LRRC47: variants seen among roughly 807,000 people sequenced by gnomAD.
The protein encoded by LRRC47 is leucine rich repeat containing 47.
A neutral mutation model predicts 40.9 loss-of-function variants in LRRC47; 31 were observed. The observed-to-expected ratio is 0.76, with a 90% CI of 0.57 to 1.02. LRRC47 has a LOEUF of 1.02. Ranked by LOEUF, LRRC47 falls within the 50% of genes least tolerant of loss-of-function variation. The pLI is 0.00. For synonymous variants in LRRC47, 427 were observed against 371.9 expected (o/e 1.15, Z -1.70); for missense variants, 726 against 796.1 (o/e 0.91, Z 1.06).
In LRRC47 at chr1:3,795,921, C is replaced by G; in HGVS notation, c.556G>C (p.Ala186Pro). 6.2e-7 allele frequency: 1 copy of G among 1,600,010 alleles called. No individual in the cohort carries two copies. Among genetic ancestry groups the G allele is most frequent in the Non-Finnish European group, 8.5e-7 (1 of 1,177,086 alleles). ...GALPLLSELA[A>P]ADNCLRELSP... is the part of the protein sequence containing the mutation. ...AGTTCTCGGAGGCAGTTGTCAGCAG[C>G]CGCCAGTTCACTGAGCAGGGGCAGC... is the stretch of plus-strand genomic sequence containing the variant. Residue 186 changes from alanine (A) to proline (P), a missense_variant, in exon 1 of 7, where the codon GCT becomes CCT. Ala to Pro is a conservative substitution (Grantham distance 27). Transcript: ENST00000378251.
intron 1 of LRRC47, among the ~76,000 whole-genome samples, chr1:3,791,390 C>T (rs1195612713): frequency 6.6e-6 from 1 of 152,248 alleles, no homozygotes; most frequent in African/African-American, 2.4e-5. Flanking sequence ...GACCCAACGG[C>T]ACGCAGCCAC....
rs186336583 is a variant in LRRC47 at position 3,795,936 on chromosome 1, G to A, written c.541C>T (p.Leu181Phe). Residue 181 changes from leucine to phenylalanine, a missense_variant, in exon 1 of 7, where the codon CTC (leucine) becomes TTC (phenylalanine). Leu to Phe is a conservative substitution (Grantham distance 22, BLOSUM62 0). Coordinates refer to ENST00000378251, the MANE Select transcript of LRRC47 (RefSeq NM_020710.3). ...TTGTCAGCAGCCGCCAGTTCACTGA[G>A]CAGGGGCAGCGCGCCGGGGCGAAAG... is the stretch of plus-strand genomic sequence containing the variant. ...ELFRPGALPL[L>F]SELAAADNCL... 4.4e-6 allele frequency: 7 copies of A among 1,601,514 alleles called. No homozygotes were observed. The highest frequency in any genetic ancestry group is 1.3e-5 in the African/African-American group (1 of 74,870).
chr1:3,796,494 C>T lies in LRRC47; in HGVS notation c.-18G>A. The T allele has an allele frequency of 6.7e-7, 1 of 1,495,130 alleles. No individual in the cohort carries two copies. The highest frequency in any genetic ancestry group is 2.8e-5 in the East Asian group (1 of 36,074). The allele number at this position is 1,495,130 out of a possible 1,614,324, so 92.6% of individuals were successfully genotyped here. ...GCCGCCATGGCGCCTCAGCTGCTGG[C>T]AGGCACCCACCCACCAGGGTGCTTC... On this transcript the variant is annotated 5_prime_UTR_variant, in exon 1 of 7. Transcript: ENST00000378251.
intron 4 of LRRC47, chr1:3,783,237 T>C (rs1481873944): frequency 6.5e-6 from 1 of 154,354 alleles, no homozygotes. Context: ...CTGGCTAACA[T>C]GGCGAAACCC....
At position 3,786,708 on chromosome 1, in the gene LRRC47, G is replaced by A. The variant is rs1414984729; in HGVS notation, c.1077+141C>T. On this transcript the variant is annotated intron_variant, in intron 2 of 6. Transcript: ENST00000378251. ...TGCTCTATTCCCTTTTTGGAGCTGA[G>A]GAAACTGAAGCACACAGACACCCGG... 5.0e-6 allele frequency: 4 copies of A among 803,228 alleles called. No individual in the cohort carries two copies. The African/African-American group carries it at 5.2e-5, about 10-fold the overall frequency. 49.8% of individuals were successfully genotyped at this position (803,228 alleles called of 1,614,324 possible). A position where few individuals can be genotyped will look rare whatever the true frequency, so the allele number is the denominator to read the frequency against.
At chr1:3,781,728 C>G (rs994976013) in intron 5 of LRRC47, 127 bp from the exon 6 acceptor site, 2 of 758,306 alleles carry the variant, frequency 2.6e-6, no homozygotes, top group African/African-American at 3.5e-5. Context: ...ACCTGTAAAT[C>G]CAGCACTTTG....
At position 3,796,134 on chromosome 1, in the gene LRRC47, G is replaced by A; in HGVS notation, c.343C>T (p.Pro115Ser). Reference sequence around the variant, plus strand: ...GCGGGGCCCAGGCCTTGGCCCGGCGGCAGCGCCTCCAGCGCGTTGCCCGAC... The same window carrying A: ...GCGGGGCCCAGGCCTTGGCCCGGCGACAGCGCCTCCAGCGCGTTGCCCGAC... ...DLSGNALEALPPGQGLGPAEP... is the reference protein window; with the variant it reads ...DLSGNALEALSPGQGLGPAEP... Residue 115 changes from proline (P) to serine (S), a missense_variant, in exon 1 of 7, where the codon CCG (proline) becomes TCG (serine). Pro to Ser is a moderately conservative substitution (Grantham distance 74, BLOSUM62 -1). Transcript: ENST00000378251. 3 of 1,432,548 alleles carry A rather than the reference G, an allele frequency of 2.1e-6. No individual in the cohort carries two copies. The highest frequency in any genetic ancestry group is 1.8e-6 in the Non-Finnish European group (2 of 1,100,634). 88.7% of individuals were successfully genotyped at this position (1,432,548 alleles called of 1,614,324 possible).
chr1:3,781,142 G>A lies in LRRC47; in HGVS notation c.1698C>T (p.Tyr566=). The A allele has an allele frequency of 1.2e-6, 2 of 1,614,110 alleles. No homozygotes were observed. Among genetic ancestry groups the A allele is most frequent in the Non-Finnish European group, 1.7e-6 (2 of 1,180,036 alleles). ...CAGTGGCCAGGTCGGCCTTGGACGGGTACACCACCTTCAGGCTCCCTTCCA... is the reference window on the plus strand; with the variant it reads ...CAGTGGCCAGGTCGGCCTTGGACGGATACACCACCTTCAGGCTCCCTTCCA... The part of the protein sequence containing the change: ...VDLEGSLKVV[Y]PSKADLATAP... Residue 566 remains tyrosine, a synonymous_variant, in exon 7 of 7, where the codon TAC becomes TAT. Coordinates refer to ENST00000378251, the MANE Select transcript of LRRC47 (RefSeq NM_020710.3).
chr1:3,795,624 G>A (rs1416881618), intron 1 of LRRC47, among the ~76,000 whole-genome samples: 1 of 152,214 alleles, frequency 6.6e-6, no homozygotes, highest in Non-Finnish European at 1.5e-5. Flanking sequence ...AACAGAATGC[G>A]GGGGAGTTCA....
At chr1:3,790,896 T>C (rs545022276) in intron 1 of LRRC47, among the ~76,000 whole-genome samples, 32 of 151,076 alleles carry the variant, frequency 2.1e-4, no homozygotes, top group African/African-American at 7.6e-4. Context: ...GCAGAAGCTC[T>C]GTGCTGTTAT....
chr1:3,785,039 G>A (rs140145292), intron 3 of LRRC47, 48 bp downstream of exon 3: 105 of 1,408,532 alleles, frequency 7.5e-5, no homozygotes, highest in Non-Finnish European at 9.4e-5. Flanking sequence ...GGCGTCTTTC[G>A]ACACCAAGGA....
At chr1:3,781,365 GGAGAT>G (rs1296280358) in intron 6 of LRRC47, 29 bp from the exon 7 acceptor site, 6 of 1,604,330 alleles carry the variant, frequency 3.7e-6, no homozygotes, top group Non-Finnish European at 3.4e-6. Context: ...TTTTTAACCT[GGAGAT>G]GAGAGGTGAC....
intron 3 of LRRC47, among the ~76,000 whole-genome samples, chr1:3,784,396 CAGA>C (rs1277167441): frequency 6.6e-6 from 1 of 152,216 alleles, no homozygotes; most frequent in African/African-American, 2.4e-5. Context: ...CTGCCATCCT[CAGA>C]AGGCCAAAAG....
intron 2 of LRRC47, chr1:3,785,465 G>T: frequency 5.3e-6 from 1 of 189,404 alleles, no homozygotes; most frequent in Non-Finnish European, 1.1e-5. Context: ...CTCTAATTCT[G>T]ACATAATATT....
At position 3,781,351 on chromosome 1, in the gene LRRC47, T is replaced by C; in HGVS notation, c.1504-15A>G. 6.2e-7 allele frequency: 1 copy of C among 1,610,096 alleles called. No homozygotes were observed. Among genetic ancestry groups the C allele is most frequent in the Non-Finnish European group, 8.5e-7 (1 of 1,177,064 alleles). On this transcript the variant is annotated splice_polypyrimidine_tract_variant and intron_variant, in intron 6 of 6. Coordinates refer to ENST00000378251, the MANE Select transcript of LRRC47 (RefSeq NM_020710.3). ...TCTGCCATTTTCTGCAAATAAAAAA[T>C]ACCTTTTTAACCTGGAGATGAGAGG...
At chr1:3,793,382 C>G (rs112531492) in intron 1 of LRRC47, among the ~76,000 whole-genome samples, 1 of 152,168 alleles carries the variant, frequency 6.6e-6, no homozygotes. Context: ...CAGGAGCCAC[C>G]GCGCCTGGCC....
chr1:3,796,145 A>G lies in LRRC47; in HGVS notation c.332T>C (p.Leu111Pro). 1 of 1,436,868 alleles carries G rather than the reference A, an allele frequency of 7.0e-7. No homozygotes were observed. The highest frequency in any genetic ancestry group is 9.1e-7 in the Non-Finnish European group (1 of 1,102,246). The allele number at this position is 1,436,868 out of a possible 1,614,324, so 89.0% of individuals were successfully genotyped here. Residue 111 changes from leucine (L) to proline (P), a missense_variant, in exon 1 of 7, where the codon CTG (leucine) becomes CCG (proline). By Grantham distance (98) the Leu-to-Pro change is moderately conservative. Coordinates refer to ENST00000378251, the MANE Select transcript of LRRC47 (RefSeq NM_020710.3). ...LRVLDLSGNA[L>P]EALPPGQGLG... ...GCCTTGGCCCGGCGGCAGCGCCTCC[A>G]GCGCGTTGCCCGACAGGTCGAGCAC...
At chr1:3,788,953 C>T (rs968382909) in intron 1 of LRRC47, among the ~76,000 whole-genome samples, 6 of 152,204 alleles carry the variant, frequency 3.9e-5, no homozygotes, top group Non-Finnish European at 8.8e-5. Flanking sequence ...ACCTGAGCCA[C>T]GCGTCCATCG....
At chr1:3,789,353 G>A (rs1643606384) in intron 1 of LRRC47, among the ~76,000 whole-genome samples, 1 of 152,268 alleles carries the variant, frequency 6.6e-6, no homozygotes, top group South Asian at 2.1e-4. Flanking sequence ...GGGTTTCTGC[G>A]CTGCCCTAAG....
Sources: gnomAD v4.1 joint callset for allele counts (sites outside exome capture counted in the v4.1 genomes callset) on GRCh38, gnomAD v4.1.1 for gene constraint, MANE v1.5 for transcripts, NCBI Gene and HGNC (gene_info 2026-07-23, HGNC 2026-07-21) for gene names.